Variants in ADGRV1 observed in about 807,000 individuals in gnomAD.
ADGRV1 encodes G-protein coupled receptor 98.
ADGRV1 carries 359 observed loss-of-function variants against 596.2 expected under a neutral mutation model. The observed-to-expected ratio is 0.60, with a 90% CI of 0.55 to 0.66. The LOEUF (loss-of-function observed/expected upper bound fraction) is 0.66, where lower values mean the gene tolerates loss of function less well. Ranked by LOEUF, ADGRV1 falls within the 30% of genes least tolerant of loss-of-function variation. ADGRV1 has a pLI of 0.00. For synonymous variants in ADGRV1, 2,681 were observed against 2,679.2 expected, an observed-to-expected ratio of 1.00 and a Z score of -0.02; for missense variants, 7,274 against 7,575.6, an observed-to-expected ratio of 0.96 and a Z score of 1.48.
At chr5:90,861,552 G>A (rs914784066) in intron 82 of ADGRV1, among the ~76,000 whole-genome samples, 2 of 151,380 alleles carry the variant, frequency 1.3e-5, no homozygotes, top group Non-Finnish European at 2.9e-5. Flanking sequence ...CTCGTGATCT[G>A]CCCACCTTGG....
At chr5:90,583,419 C>T (rs1237493964) in intron 1 of ADGRV1, among the ~76,000 whole-genome samples, 1 of 152,008 alleles carries the variant, frequency 6.6e-6, no homozygotes, top group Non-Finnish European at 1.5e-5. Context: ...CATTTTATTA[C>T]AGCCTCAAAA....
At chr5:91,082,686 T>C (rs1408662582) in intron 86 of ADGRV1, among the ~76,000 whole-genome samples, 1 of 152,148 alleles carries the variant, frequency 6.6e-6, no homozygotes, top group Non-Finnish European at 1.5e-5. Flanking sequence ...TTTGAGGCTG[T>C]TTTATCTTGG....
chr5:90,897,736 TC>T (rs1219463874), intron 83 of ADGRV1, among the ~76,000 whole-genome samples: 4 of 152,308 alleles, frequency 2.6e-5, no homozygotes, highest in African/African-American at 9.6e-5. Flanking sequence ...TAGGAGGCCT[TC>T]TTTGGCTTGG....
intron 20 of ADGRV1, 84 bp downstream of exon 20, chr5:90,654,036 T>A: frequency 7.3e-7 from 1 of 1,369,086 alleles, no homozygotes; most frequent in Non-Finnish European, 1.0e-6. Flanking sequence ...AAAAAAGTGC[T>A]AACATGTATT....
intron 83 of ADGRV1, among the ~76,000 whole-genome samples, chr5:90,865,020 A>G (rs368855839): frequency 3.9e-5 from 6 of 152,198 alleles, no homozygotes; most frequent in Non-Finnish European, 8.8e-5. Flanking sequence ...ATGGAAAATT[A>G]TCTTAAACAT....
At chr5:90,649,248 C>T (rs902077200) in intron 17 of ADGRV1, among the ~76,000 whole-genome samples, 10 of 151,946 alleles carry the variant, frequency 6.6e-5, no homozygotes, top group Non-Finnish European at 1.5e-4. Flanking sequence ...GTGATCTACC[C>T]GCCTCAGCCT....
intron 59 of ADGRV1, among the ~76,000 whole-genome samples, chr5:90,773,789 C>T (rs1261564407): frequency 6.6e-6 from 1 of 152,180 alleles, no homozygotes; most frequent in Non-Finnish European, 1.5e-5. Context: ...CATCTCAGGG[C>T]TGTGGTTGCC....
At chr5:90,707,004 T>G (rs1387171432) in intron 38 of ADGRV1, among the ~76,000 whole-genome samples, 1 of 151,984 alleles carries the variant, frequency 6.6e-6, no homozygotes, top group Non-Finnish European at 1.5e-5. Flanking sequence ...TGAGATGCCA[T>G]AGACCTAAGA....
At chr5:90,823,997 A>G (rs557512315) in intron 76 of ADGRV1, among the ~76,000 whole-genome samples, 15 of 152,342 alleles carry the variant, frequency 9.8e-5, no homozygotes, top group Non-Finnish European at 2.2e-4. Context: ...CACATGCTTA[A>G]TAAAAGACAT....
intron 87 of ADGRV1, among the ~76,000 whole-genome samples, chr5:91,136,075 G>A (rs183465283): frequency 5.6e-4 from 85 of 152,220 alleles, no homozygotes; most frequent in African/African-American, 1.9e-3. Context: ...CTGAGGCAGC[G>A]GGTGGCCTTG....
At chr5:90,808,826 G>A (rs1036873461) in intron 73 of ADGRV1, among the ~76,000 whole-genome samples, 12 of 152,234 alleles carry the variant, frequency 7.9e-5, no homozygotes, top group Admixed American at 2.0e-4. Context: ...AGCCCAGGAG[G>A]CAGAGGTTGC....
At chr5:90,693,807 A>G in intron 32 of ADGRV1, 83 bp from the exon 33 acceptor site, 1 of 1,041,948 alleles carries the variant, frequency 9.6e-7, no homozygotes, top group Admixed American at 3.0e-5. Context: ...AAAAAACTAA[A>G]GACCACAGTC....
At chr5:90,634,631 ACT>A (rs569825782) in intron 9 of ADGRV1, among the ~76,000 whole-genome samples, 225 of 151,970 alleles carry the variant, frequency 1.5e-3, no homozygotes, top group African/African-American at 4.9e-3. Context: ...GATGTGGATG[ACT>A]CTCTGATATT....
At chr5:91,104,377 G>C (rs1256493521) in intron 87 of ADGRV1, among the ~76,000 whole-genome samples, 1 of 152,134 alleles carries the variant, frequency 6.6e-6, no homozygotes, top group Non-Finnish European at 1.5e-5. Flanking sequence ...AACATGTAGT[G>C]ATCAGATTAA....
chr5:90,973,406 C>G (rs1211084772), intron 84 of ADGRV1, among the ~76,000 whole-genome samples: 1 of 152,002 alleles, frequency 6.6e-6, no homozygotes, highest in Non-Finnish European at 1.5e-5. Flanking sequence ...CAAAAAAAGA[C>G]AATTTTAGAC....
intron 72 of ADGRV1, 39 bp downstream of exon 72, chr5:90,805,497 T>C: frequency 6.7e-7 from 1 of 1,485,192 alleles, no homozygotes; most frequent in Non-Finnish European, 9.1e-7. Context: ...CTGTAGAATA[T>C]TGGAAGGATA....
At chr5:90,818,053 A>G (rs1448682478) in intron 75 of ADGRV1, among the ~76,000 whole-genome samples, 1 of 151,478 alleles carries the variant, frequency 6.6e-6, no homozygotes, top group South Asian at 2.1e-4. Flanking sequence ...TGAGCATGGA[A>G]TGTTCTTCCA....
At chr5:90,810,136 C>G (rs1202727851) in intron 73 of ADGRV1, 97 bp from the exon 74 acceptor site, 11 of 985,310 alleles carry the variant, frequency 1.1e-5, no homozygotes, top group Admixed American at 5.8e-5. Flanking sequence ...TTGCTGCCCT[C>G]ATGAGCAGCA....
chr5:90,851,476 A>G (rs981669225), intron 79 of ADGRV1, among the ~76,000 whole-genome samples: 1 of 152,182 alleles, frequency 6.6e-6, no homozygotes, highest in Non-Finnish European at 1.5e-5. Context: ...GTCTTGAGCA[A>G]TATTAAGGGA....
Sources: gnomAD v4.1 joint callset for allele counts (sites outside exome capture counted in the v4.1 genomes callset) on GRCh38, gnomAD v4.1.1 for gene constraint, MANE v1.5 for transcripts, NCBI Gene and HGNC (gene_info 2026-07-23, HGNC 2026-07-21) for gene names.